PTPRN2: variants seen among roughly 807,000 people sequenced by gnomAD.
PTPRN2 encodes the protein receptor-type tyrosine-protein phosphatase N2.
Under a neutral mutation model 118.8 loss-of-function variants are expected in PTPRN2, and 74 were observed. The ratio of observed to expected loss-of-function variants is 0.62; its 90% CI spans 0.52 to 0.76. The LOEUF is 0.76. Ranked by LOEUF, PTPRN2 falls within the 30% of genes least tolerant of loss-of-function variation. The probability of loss-of-function intolerance (pLI) is 0.00; values close to 1 mark genes in which losing one functional copy is unlikely to be tolerated. For missense variants in PTPRN2, 1,481 were observed against 1,394.4 expected, an observed-to-expected ratio of 1.06 and a Z score of -0.99; for synonymous variants, 641 against 608.0, an observed-to-expected ratio of 1.05 and a Z score of -0.80.
At chr7:157,544,288 G>A (rs1036272211) in intron 22 of PTPRN2, among the ~76,000 whole-genome samples, 8 of 152,344 alleles carry the variant, frequency 5.3e-5, no homozygotes, top group African/African-American at 1.4e-4. Context: ...ACTGCGCTAC[G>A]CGTGACAGAA....
Position 158,265,118 on chromosome 7 carries a change from G to A in PTPRN2, c.277+51701C>T, listed in dbSNP as rs960747604. ...CAGCCCCCAAGGTAGTGCATGCTTC[G>A]TATGTGTTCCGCAGGCCCCTGGCCC... is the stretch of plus-strand genomic sequence containing the variant. On this transcript the variant is annotated intron_variant, in intron 3 of 22. Coordinates refer to ENST00000389418, the MANE Select transcript of PTPRN2 (RefSeq NM_002847.5). 1.1e-4 allele frequency among the ~76,000 whole-genome samples: 17 copies of A among 152,128 alleles called. No homozygotes were observed. In the South Asian group the frequency reaches 1.7e-3, roughly 15 times the overall value.
At position 158,334,010 on chromosome 7, in the gene PTPRN2, CACACA is replaced by C. The variant is rs1488124881; in HGVS notation, c.164-17083_164-17079del. On this transcript the variant is annotated intron_variant, in intron 2 of 22. Coordinates refer to ENST00000389418, the MANE Select transcript of PTPRN2 (RefSeq NM_002847.5). ...CCGACACCCGCAGACATCACTCACACACACACGCGTCACTCACACTCACACTCTAG... is the reference window on the plus strand; with the variant it reads ...CCGACACCCGCAGACATCACTCACACCGCGTCACTCACACTCACACTCTAG... 3.7e-3 allele frequency among the ~76,000 whole-genome samples: 55 copies of C among 14,728 alleles called. 15 individuals carry two copies. Among genetic ancestry groups the C allele is most frequent in the Non-Finnish European group, 7.0e-3 (34 of 4,884 alleles). 9.7% of individuals were successfully genotyped at this position (14,728 alleles called of 152,430 possible).
chr7:158,342,304 G>C (rs1280382920), intron 2 of PTPRN2, among the ~76,000 whole-genome samples: 3 of 131,826 alleles, frequency 2.3e-5, no homozygotes, highest in African/African-American at 3.0e-5. Context: ...ACCCGCAGAC[G>C]TCACTCACAC....
In PTPRN2 at chr7:157,621,592, G is replaced by A. The variant is rs986542579; in HGVS notation, c.2197-83C>T. On this transcript the variant is annotated intron_variant, in intron 14 of 22. Transcript: ENST00000389418. The stretch of plus-strand genomic sequence containing the variant: ...TGCACAAAAGGCAGCGGAGGCCTTT[G>A]CACTCGCCGCGTGGGCCATGCCCAC... 5.8e-6 allele frequency: 9 copies of A among 1,548,246 alleles called. No homozygotes were observed. In the African/African-American group the frequency reaches 1.1e-4, roughly 19 times the overall value.
chr7:157,854,160 C>T (rs1035914369), intron 12 of PTPRN2, among the ~76,000 whole-genome samples: 27 of 152,344 alleles, frequency 1.8e-4, no homozygotes, highest in African/African-American at 5.0e-4. Context: ...TCCCTGCCTC[C>T]GCCTCCCTCT....
Position 157,953,533 on chromosome 7 carries a change from G to C in PTPRN2, c.1724-54796C>G, listed in dbSNP as rs1800969587. On this transcript the variant is annotated intron_variant, in intron 11 of 22. Coordinates refer to ENST00000389418, the MANE Select transcript of PTPRN2 (RefSeq NM_002847.5). The surrounding 1 kb of genome is among the most constrained non-coding windows in gnomAD (Gnocchi z 4.6). The stretch of plus-strand genomic sequence containing the variant: ...ACGGGTGCCTTTGCTGCCGGCTGCT[G>C]TCTGTGCTGCCCTGCAACCTGGATC... 6.6e-6 allele frequency among the ~76,000 whole-genome samples: 1 copy of C among 152,182 alleles called. No individual in the cohort carries two copies. The highest frequency in any genetic ancestry group is 6.5e-5 in the Admixed American group (1 of 15,286).
At chr7:157,762,813 C>T (rs532475510) in intron 12 of PTPRN2, among the ~76,000 whole-genome samples, 1 of 152,278 alleles carries the variant, frequency 6.6e-6, no homozygotes, top group African/African-American at 2.4e-5. Context: ...GCATGGTGGC[C>T]CCAGGCACCG....
intron 5 of PTPRN2, among the ~76,000 whole-genome samples, chr7:158,180,675 GAT>G (rs1201232169): frequency 1.3e-5 from 2 of 152,094 alleles, no homozygotes; most frequent in African/African-American, 4.8e-5. Flanking sequence ...TAAGTATATT[GAT>G]AGGTATTTTA....
At chr7:158,120,438 G>A (rs1452901017) in intron 9 of PTPRN2, among the ~76,000 whole-genome samples, 3 of 152,254 alleles carry the variant, frequency 2.0e-5, no homozygotes, top group Middle Eastern at 3.4e-3. Flanking sequence ...CCACATCCAA[G>A]GCAGTGTACC....
chr7:157,901,024 T>C (rs1797405709), intron 11 of PTPRN2, among the ~76,000 whole-genome samples: 1 of 152,196 alleles, frequency 6.6e-6, no homozygotes, highest in South Asian at 2.1e-4. Flanking sequence ...GGTGTCTGCA[T>C]CTGAGGATGC....
chr7:157,851,949 T>C (rs1027822634), intron 12 of PTPRN2, among the ~76,000 whole-genome samples: 2 of 152,206 alleles, frequency 1.3e-5, no homozygotes, highest in Non-Finnish European at 2.9e-5. Flanking sequence ...GCAACACCCG[T>C]TTTCCTAAAG....
rs114364386 is a variant in PTPRN2, at chr7:158,450,308, G to A, written c.163+39427C>T. On this transcript the variant is annotated intron_variant, in intron 2 of 22. Transcript: ENST00000389418. Reference sequence around the variant, plus strand: ...GCCTTCTACACACTGAGTTCAATGAGACACATTCAGTCCATAACCGCTGCC... The same window carrying A: ...GCCTTCTACACACTGAGTTCAATGAAACACATTCAGTCCATAACCGCTGCC... Among the ~76,000 whole-genome samples, 520 of 152,314 alleles carry A rather than the reference G, an allele frequency of 3.4e-3. 2 individuals carry two copies. Among genetic ancestry groups the A allele is most frequent in the African/African-American group, 0.012 (493 of 41,564 alleles).
At chr7:158,198,304 T>A (rs1200474293) in intron 4 of PTPRN2, among the ~76,000 whole-genome samples, 1 of 152,232 alleles carries the variant, frequency 6.6e-6, no homozygotes, top group East Asian at 1.9e-4. Flanking sequence ...ACTTGCACAT[T>A]GACTTTTGCT....
chr7:158,571,516 CACCTATTT>C lies in PTPRN2; in HGVS notation c.112+16034_112+16041del, dbSNP rs1184613864. On this transcript the variant is annotated intron_variant, in intron 1 of 22. Transcript: ENST00000389418. ...ACAAAAAAAAACAAAAAAAAACACA[CACCTATTT>C]CTTTTTTTTTTTTTTTTTTTTTCTT... Among the ~76,000 whole-genome samples, 217 of 136,514 alleles carry C rather than the reference CACCTATTT, an allele frequency of 1.6e-3. 2 individuals carry two copies. The highest frequency in any genetic ancestry group is 5.7e-3 in the African/African-American group (207 of 36,606). 89.6% of individuals were successfully genotyped at this position (136,514 alleles called of 152,430 possible). A position where few individuals can be genotyped will look rare whatever the true frequency, so the allele number is the denominator to read the frequency against.
At position 158,022,875 on chromosome 7, in the gene PTPRN2, A is replaced by G. The variant is rs1806999887; in HGVS notation, c.1723+58423T>C. On this transcript the variant is annotated intron_variant, in intron 11 of 22. Transcript: ENST00000389418. This position sits in a 1 kb window ranked among gnomAD's most constrained non-coding sequence, Gnocchi z 4.6. ...ATATCCCTGGACCTTAGAAACCTCA[A>G]TGATCAAGAGTAGCGTTTCCCTCCA... Among the ~76,000 whole-genome samples the G allele has an allele frequency of 6.6e-6, 1 of 152,238 alleles. No individual in the cohort carries two copies.
intron 12 of PTPRN2, among the ~76,000 whole-genome samples, chr7:157,711,825 T>G (rs1336240718): frequency 6.6e-6 from 1 of 151,708 alleles, no homozygotes; most frequent in African/African-American, 2.4e-5. Context: ...CAGCATTCAT[T>G]TAGTGCATAT....
intron 2 of PTPRN2, among the ~76,000 whole-genome samples, chr7:158,349,720 G>A (rs1175963689): frequency 5.1e-5 from 5 of 98,968 alleles, no homozygotes; most frequent in East Asian, 6.5e-4. Context: ...GATGGCCCAC[G>A]TCACTGTGCT....
chr7:158,000,428 G>A (rs563672636), intron 11 of PTPRN2, among the ~76,000 whole-genome samples: 87 of 152,084 alleles, frequency 5.7e-4, no homozygotes, highest in Admixed American at 3.0e-3. Context: ...CGTGAAAGCC[G>A]TGGAGAGGCC....
At chr7:157,803,906 C>G (rs1180812475) in intron 12 of PTPRN2, among the ~76,000 whole-genome samples, 61 of 152,248 alleles carry the variant, frequency 4.0e-4, no homozygotes, top group Admixed American at 1.6e-3. Flanking sequence ...AATATGTCAA[C>G]TTTTCTTTTT....
Sources: gnomAD v4.1 joint callset for allele counts (sites outside exome capture counted in the v4.1 genomes callset) on GRCh38, gnomAD v4.1.1 for gene constraint, Gnocchi (gnomAD v3.1) non-coding constraint, MANE v1.5 for transcripts, NCBI Gene and HGNC (gene_info 2026-07-23, HGNC 2026-07-21) for gene names.